Variants in FBXL22 observed in about 807,000 individuals in gnomAD.
The protein encoded by FBXL22 is F-box and leucine rich repeat protein 22.
FBXL22 carries 13 observed loss-of-function variants against 11.7 expected under a neutral mutation model. The ratio of observed to expected loss-of-function variants is 1.11; its 90% CI spans 0.73 to 1.77. FBXL22 has a LOEUF of 1.77. Among genes scored for constraint, FBXL22 ranks in the 40% most tolerant of loss-of-function variants. The pLI, the probability that FBXL22 is intolerant of heterozygous loss-of-function variation, is 0.00. For synonymous variants in FBXL22, 160 were observed against 144.1 expected (o/e 1.11, Z -0.79); for missense variants, 406 against 320.4 (o/e 1.27, Z -2.04).
chr15:63,607,057 CTTTTTT>C (rs71131174), downstream of FBXL22, among the ~76,000 whole-genome samples: 5 of 137,826 alleles, frequency 3.6e-5, no homozygotes, highest in Non-Finnish European at 3.1e-5. Flanking sequence ...AGCACAGATG[CTTTTTT>C]TTTTTTTTTT....
downstream of FBXL22, chr15:63,601,511 G>T: frequency 6.4e-7 from 1 of 1,551,986 alleles, no homozygotes; most frequent in Non-Finnish European, 8.7e-7. Flanking sequence ...CCGGCTCCCG[G>T]AGTGTCCTGG....
downstream of FBXL22, chr15:63,601,287 C>G (rs758809929): frequency 9.6e-6 from 15 of 1,565,194 alleles, no homozygotes; most frequent in Non-Finnish European, 1.2e-5. Context: ...CCTCTTGCTT[C>G]CGCCCCAGGC....
chr15:63,605,192 G>A (rs1011283414), downstream of FBXL22, among the ~76,000 whole-genome samples: 3 of 152,194 alleles, frequency 2.0e-5, no homozygotes, highest in Non-Finnish European at 4.4e-5. Flanking sequence ...ATTGGCCATG[G>A]GCTGGGCCAG....
downstream of FBXL22, among the ~76,000 whole-genome samples, chr15:63,607,291 C>T (rs1036552941): frequency 2.0e-5 from 3 of 152,130 alleles, no homozygotes; most frequent in East Asian, 5.8e-4. Flanking sequence ...GTGATCCACC[C>T]GCCTCGGCCT....
At chr15:63,601,812 C>A, downstream of FBXL22, 1 of 1,323,824 alleles carries the variant, frequency 7.6e-7, no homozygotes, top group Non-Finnish European at 9.9e-7. Context: ...AAAAAAGCCT[C>A]AAACTAAACA....
downstream of FBXL22, among the ~76,000 whole-genome samples, chr15:63,605,157 T>A (rs2067407308): frequency 6.6e-6 from 1 of 152,200 alleles, no homozygotes; most frequent in Non-Finnish European, 1.5e-5. Flanking sequence ...CACCAACTAA[T>A]TCATCTCACA....
In FBXL22 at chr15:63,600,912, T is replaced by TGCGCCGCCTGC. The variant is rs2067360129; in HGVS notation, c.577_587dup (p.Pro198AlafsTer72). The TGCGCCGCCTGC allele has an allele frequency of 8.2e-7, 1 of 1,215,500 alleles. No homozygotes were observed. The highest frequency in any genetic ancestry group is 4.3e-5 in the Admixed American group (1 of 23,020). The allele number at this position is 1,215,500 out of a possible 1,614,324, so 75.3% of individuals were successfully genotyped here. ...TGCCGCAACGTGAGCGCGGCCGGCC[T>TGCGCCGCCTGC]GCGCCGCCTGCGCGCCGCGTGCCCG... On this transcript the variant is annotated frameshift_variant, in exon 2 of 2. Coordinates refer to ENST00000638704, the MANE Select transcript of FBXL22 (RefSeq NM_001367807.1). LOFTEE classifies it high-confidence loss of function.
chr15:63,600,968 G>A lies in FBXL22; in HGVS notation c.625G>A (p.Ala209Thr). ...RLALRAEHSA[A>T]MLPDQPPRPR... is the part of the protein sequence containing the mutation. Reference sequence around the variant, plus strand: ...GGCCCTGCGGGCAGAGCACAGCGCCGCCATGCTGCCCGACCAGCCCCCGCG... The same window carrying A: ...GGCCCTGCGGGCAGAGCACAGCGCCACCATGCTGCCCGACCAGCCCCCGCG... Residue 209 changes from alanine to threonine, a missense_variant, in exon 2 of 2, where the codon GCC becomes ACC. Physicochemically the swap from Ala to Thr is moderately conservative, Grantham distance 58. Coordinates refer to ENST00000638704, the MANE Select transcript of FBXL22 (RefSeq NM_001367807.1). The A allele has an allele frequency of 5.9e-6, 7 of 1,192,750 alleles. No homozygotes were observed. Among genetic ancestry groups the A allele is most frequent in the Admixed American group, 4.5e-5 (1 of 22,204 alleles). The allele number at this position is 1,192,750 out of a possible 1,614,324, so 73.9% of individuals were successfully genotyped here. A position where few individuals can be genotyped will look rare whatever the true frequency, so the allele number is the denominator to read the frequency against.
chr15:63,600,837 C>T lies in FBXL22; in HGVS notation c.494C>T (p.Ala165Val). The T allele has an allele frequency of 8.1e-7, 1 of 1,230,534 alleles. No homozygotes were observed. The highest frequency in any genetic ancestry group is 1.0e-6 in the Non-Finnish European group (1 of 987,154). 76.2% of individuals were successfully genotyped at this position (1,230,534 alleles called of 1,614,324 possible). A position where few individuals can be genotyped will look rare whatever the true frequency, so the allele number is the denominator to read the frequency against. The change falls in exon 2 of 2, where the codon GCT becomes GTT. Residue 165 changes from alanine (A) to valine (V), a missense_variant. Physicochemically the swap from Ala to Val is moderately conservative, Grantham distance 64. Transcript: ENST00000638704. ...GCGCGCGTCACCAACCGCACGTTGGCTGCCGTGGCGGCGGACGGGCGCGCG... is the reference window on the plus strand; with the variant it reads ...GCGCGCGTCACCAACCGCACGTTGGTTGCCGTGGCGGCGGACGGGCGCGCG... ...NCARVTNRTLAAVAADGRALQ... is the reference protein window; with the variant it reads ...NCARVTNRTLVAVAADGRALQ...
chr15:63,601,518 C>G (rs1408737861), downstream of FBXL22: 2 of 1,555,982 alleles, frequency 1.3e-6, no homozygotes, highest in Admixed American at 3.9e-5. Flanking sequence ...CCGGAGTGTC[C>G]TGGGGACCGC....
At chr15:63,600,369 G>C in intron 1 of FBXL22, 2 of 1,116,670 alleles carry the variant, frequency 1.8e-6, no homozygotes, top group Non-Finnish European at 2.2e-6. Context: ...AGAGTCAAGG[G>C]TTGTGGCTCC....
chr15:63,601,383 G>A, downstream of FBXL22: 1 of 1,604,548 alleles, frequency 6.2e-7, no homozygotes, highest in Non-Finnish European at 8.5e-7. Flanking sequence ...AATCACCTCG[G>A]TGGGGAGGAC....
intron 1 of FBXL22, chr15:63,599,281 A>C: frequency 6.6e-7 from 1 of 1,508,212 alleles, no homozygotes; most frequent in South Asian, 1.3e-5. Context: ...GGGCAGGGGG[A>C]CAGTCCGCTC....
At chr15:63,601,444 G>A, downstream of FBXL22, 1 of 1,575,334 alleles carries the variant, frequency 6.3e-7, no homozygotes, top group Non-Finnish European at 8.6e-7. Context: ...GGGGGCCAGG[G>A]CTGCCGCGCG....
chr15:63,606,490 G>A (rs145381620), downstream of FBXL22, among the ~76,000 whole-genome samples: 57 of 152,332 alleles, frequency 3.7e-4, no homozygotes, highest in African/African-American at 1.3e-3. Flanking sequence ...ACCAAGGGAA[G>A]CACCTGCACC....
downstream of FBXL22, chr15:63,601,679 C>T: frequency 1.9e-6 from 3 of 1,605,722 alleles, no homozygotes; most frequent in Non-Finnish European, 1.7e-6. Context: ...GATGCGTTCC[C>T]GCAGTGACCG....
Position 63,597,745 on chromosome 15 carries a change from G to C in FBXL22, c.353G>C (p.Arg118Thr), listed in dbSNP as rs1441328073. 1 of 1,569,768 alleles carries C rather than the reference G, an allele frequency of 6.4e-7. No homozygotes were observed. Among genetic ancestry groups the C allele is most frequent in the Admixed American group, 1.7e-5 (1 of 58,734 alleles). ...VNDFLLRVCD[R>T]CPNLASVTLS... The stretch of plus-strand genomic sequence containing the variant: ...GATTTCCTCCTCCGGGTGTGCGACA[G>C]GTAGGCCACCTTGCCTCCTGAGCAG... The change falls in exon 1 of 2, where the codon AGG (arginine) becomes ACG (threonine). Residue 118 changes from arginine (R) to threonine (T), a missense_variant and splice_region_variant. Physicochemically the swap from Arg to Thr is moderately conservative, Grantham distance 71 (BLOSUM62 -1). Coordinates refer to ENST00000638704, the MANE Select transcript of FBXL22 (RefSeq NM_001367807.1). The surrounding 1 kb of genome is among the most constrained non-coding windows in gnomAD (Gnocchi z 4.3).
intron 1 of FBXL22, among the ~76,000 whole-genome samples, chr15:63,598,523 G>C (rs1193119021): frequency 1.3e-5 from 2 of 152,216 alleles, no homozygotes; most frequent in African/African-American, 4.8e-5. Flanking sequence ...CTCATGGGCA[G>C]AGCGGCCCAG....
chr15:63,601,363 G>T (rs368196308), downstream of FBXL22: 1 of 1,604,600 alleles, frequency 6.2e-7, no homozygotes, highest in Admixed American at 1.7e-5. Context: ...TCCGATCGCC[G>T]TTGGACCGAA....
Sources: allele counts gnomAD v4.1 joint callset (sites outside exome capture counted in the v4.1 genomes callset), GRCh38; gene constraint gnomAD v4.1.1; non-coding constraint Gnocchi (gnomAD v3.1); transcripts MANE v1.5; gene names NCBI Gene and HGNC (gene_info 2026-07-23, HGNC 2026-07-21).